Variants in TLK2 observed in about 807,000 individuals in gnomAD.
TLK2 encodes serine/threonine-protein kinase tousled-like 2.
TLK2 carries 6 observed loss-of-function variants against 117.3 expected under a neutral mutation model. That is an observed-to-expected ratio of 0.05 (90% CI 0.03 to 0.10). The LOEUF is 0.10. Among genes scored for constraint, TLK2 ranks in the 10% least tolerant of loss-of-function variants. The pLI is 1.00. For missense variants in TLK2, 299 were observed against 901.2 expected (o/e 0.33, Z 8.56); for synonymous variants, 257 against 316.7 (o/e 0.81, Z 2.00).
Position 62,592,328 on chromosome 17 carries a change from A to C in TLK2, c.1461-4257A>C, listed in dbSNP as rs8070025. On this transcript the variant is annotated intron_variant, in intron 16 of 21. Transcript: ENST00000346027. The stretch of plus-strand genomic sequence containing the variant: ...CATATTCTGTTCTTCTAAAATTCAG[A>C]ATATGAATATGTCAGACTATACAGT... 5.2e-3 allele frequency among the ~76,000 whole-genome samples: 794 copies of C among 152,318 alleles called. 5 individuals are homozygous for C. The highest frequency in any genetic ancestry group is 0.018 in the African/African-American group (756 of 41,564).
rs557188561 is a variant in TLK2, at chr17:62,582,736, A to G, written c.1368+2544A>G. On this transcript the variant is annotated intron_variant, in intron 15 of 21. Transcript: ENST00000346027. ...CACACTTTTTGTGAAATAGATCTCAAACTTTCTTTCATCTTCCAAAACTGA... is the reference window on the plus strand; with the variant it reads ...CACACTTTTTGTGAAATAGATCTCAGACTTTCTTTCATCTTCCAAAACTGA... Among the ~76,000 whole-genome samples, 3 of 152,292 alleles carry G rather than the reference A, an allele frequency of 2.0e-5. No homozygotes were observed. In the South Asian group the frequency reaches 6.2e-4, roughly 32 times the overall value.
intron 2 of TLK2, among the ~76,000 whole-genome samples, chr17:62,497,787 CAGGATCAAGT>C (rs1473698019): frequency 6.6e-6 from 1 of 152,132 alleles, no homozygotes; most frequent in Non-Finnish European, 1.5e-5. Flanking sequence ...CTCCACCTCC[CAGGATCAAGT>C]GATTCTCCTA....
At chr17:62,541,668 A>G (rs776699117) in intron 7 of TLK2, among the ~76,000 whole-genome samples, 2 of 152,040 alleles carry the variant, frequency 1.3e-5, no homozygotes, top group African/African-American at 2.4e-5. Context: ...TACGGTGGCT[A>G]TTTACAGGTG....
chr17:62,580,826 T>C (rs1035565244), intron 15 of TLK2, among the ~76,000 whole-genome samples: 2 of 152,238 alleles, frequency 1.3e-5, no homozygotes, highest in African/African-American at 4.8e-5. Flanking sequence ...CAGAATTGTT[T>C]ATTAAGTAGT....
intron 7 of TLK2, among the ~76,000 whole-genome samples, chr17:62,548,530 C>G (rs2078136978): frequency 6.6e-6 from 1 of 151,856 alleles, no homozygotes; most frequent in African/African-American, 2.4e-5. Context: ...ATCTGCCTGT[C>G]TTGGCCTCCC....
At chr17:62,495,035 T>C (rs1010350940) in intron 2 of TLK2, among the ~76,000 whole-genome samples, 1 of 151,910 alleles carries the variant, frequency 6.6e-6, no homozygotes, top group African/African-American at 2.4e-5. Flanking sequence ...GGCATGGTGG[T>C]GGGCACTTGT....
chr17:62,484,073 C>G (rs563400689), intron 2 of TLK2, among the ~76,000 whole-genome samples: 2 of 152,168 alleles, frequency 1.3e-5, no homozygotes, highest in Non-Finnish European at 2.9e-5. Flanking sequence ...GTGCCTGCCT[C>G]GGCCTCCCAA....
At chr17:62,607,683 G>A (rs1176108851) in intron 20 of TLK2, among the ~76,000 whole-genome samples, 2 of 152,118 alleles carry the variant, frequency 1.3e-5, no homozygotes. Context: ...GCACAGGTGT[G>A]TATTTCTTAG....
intron 6 of TLK2, among the ~76,000 whole-genome samples, chr17:62,525,699 C>T (rs1161226864): frequency 6.6e-6 from 1 of 152,108 alleles, no homozygotes; most frequent in Non-Finnish European, 1.5e-5. Flanking sequence ...GTCTGCCTGC[C>T]TCCACCTCCC....
chr17:62,476,760 C>G (rs1185330557), upstream of TLK2, among the ~76,000 whole-genome samples: 1 of 151,950 alleles, frequency 6.6e-6, no homozygotes, highest in Non-Finnish European at 1.5e-5. Context: ...ACTCTCCTTT[C>G]CCGATTTAAG....
At chr17:62,543,943 A>G (rs1359892667) in intron 7 of TLK2, among the ~76,000 whole-genome samples, 6 of 151,982 alleles carry the variant, frequency 3.9e-5, no homozygotes, top group Non-Finnish European at 7.4e-5. Context: ...ATTTTCTTCT[A>G]TGTGTTCTAT....
At chr17:62,603,970 CTTTATTTATTTATTTATTTA>C (rs66748805) in intron 19 of TLK2, among the ~76,000 whole-genome samples, 45 of 141,510 alleles carry the variant, frequency 3.2e-4, no homozygotes, top group South Asian at 7.2e-4. Flanking sequence ...ACATTGAATA[CTTTATTTATTTATTTATTTA>C]TTTATTTATT....
intron 13 of TLK2, 100 bp from the exon 14 acceptor site, chr17:62,578,377 A>T: frequency 1.1e-6 from 1 of 870,448 alleles, no homozygotes; most frequent in Non-Finnish European, 1.9e-6. Context: ...ACCTTCCTTT[A>T]GCCTTTCATA....
At chr17:62,523,533 T>C (rs1274986596) in intron 5 of TLK2, among the ~76,000 whole-genome samples, 5 of 152,320 alleles carry the variant, frequency 3.3e-5, no homozygotes, top group Non-Finnish European at 5.9e-5. Context: ...TGAGCCATGA[T>C]CTACTGCACT....
rs188947261 is a variant in TLK2 at position 62,516,787 on chromosome 17, G to A, written c.82-3986G>A. On this transcript the variant is annotated intron_variant, in intron 2 of 21. Coordinates refer to ENST00000346027, the MANE Select transcript of TLK2 (RefSeq NM_006852.6). ...CAACATCTCTGCAGCTGCAGGGTCCGGGGCCGGGGCTGGAAAGCTAGTTTT... is the reference window on the plus strand; with the variant it reads ...CAACATCTCTGCAGCTGCAGGGTCCAGGGCCGGGGCTGGAAAGCTAGTTTT... The A allele has an allele frequency of 5.5e-5, 79 of 1,435,628 alleles. 1 individual carries two copies. The highest frequency in any genetic ancestry group is 1.7e-4 in the Admixed American group (9 of 52,618). 88.9% of individuals were successfully genotyped at this position (1,435,628 alleles called of 1,614,324 possible).
At position 62,600,427 on chromosome 17, in the gene TLK2, A is replaced by G. The variant is rs576744408; in HGVS notation, c.1551-224A>G. 3 of 447,970 alleles carry G rather than the reference A, an allele frequency of 6.7e-6. No homozygotes were observed. In the South Asian group the frequency reaches 1.4e-4, roughly 20 times the overall value. The allele number at this position is 447,970 out of a possible 1,614,324, so 27.7% of individuals were successfully genotyped here. A position where few individuals can be genotyped will look rare whatever the true frequency, so the allele number is the denominator to read the frequency against. ...TCTGCCATGGGTGAACTTGAGCACAACAGATTCCAACATTGAGGGTGTGGA... is the reference window on the plus strand; with the variant it reads ...TCTGCCATGGGTGAACTTGAGCACAGCAGATTCCAACATTGAGGGTGTGGA... On this transcript the variant is annotated intron_variant, in intron 17 of 21. Coordinates refer to ENST00000346027, the MANE Select transcript of TLK2 (RefSeq NM_006852.6).
chr17:62,549,315 C>T (rs575189830), intron 7 of TLK2, among the ~76,000 whole-genome samples: 12 of 133,268 alleles, frequency 9.0e-5, no homozygotes, highest in African/African-American at 1.7e-4. Flanking sequence ...AGGAGAACGG[C>T]GTGAACCTGG....
intron 7 of TLK2, among the ~76,000 whole-genome samples, chr17:62,544,121 C>A (rs1434251316): frequency 6.6e-6 from 1 of 152,126 alleles, no homozygotes; most frequent in Non-Finnish European, 1.5e-5. Flanking sequence ...GCACCGTTTT[C>A]AAAAATGAAC....
chr17:62,550,218 T>G (rs1483863871), intron 7 of TLK2: 2 of 152,260 alleles, frequency 1.3e-5, no homozygotes, highest in African/African-American at 4.8e-5. Context: ...TGACCTCAGG[T>G]CATCCACCCA....
Sources: gnomAD v4.1 joint callset for allele counts (sites outside exome capture counted in the v4.1 genomes callset) on GRCh38, gnomAD v4.1.1 for gene constraint, MANE v1.5 for transcripts, NCBI Gene and HGNC (gene_info 2026-07-23, HGNC 2026-07-21) for gene names.